HS3ST5: variants seen among roughly 807,000 people sequenced by gnomAD.
HS3ST5 encodes the protein heparan sulfate-glucosamine 3-sulfotransferase 5, also known as heparan sulfate glucosamine 3-O-sulfotransferase 5.
A neutral mutation model predicts 25.4 loss-of-function variants in HS3ST5; 10 were observed. The ratio of observed to expected loss-of-function variants is 0.39; its 90% CI spans 0.24 to 0.67. The LOEUF is 0.67. Among genes scored for constraint, HS3ST5 ranks in the 30% least tolerant of loss-of-function variants. The pLI is 0.44. For missense variants in HS3ST5, 324 were observed against 420.7 expected, an observed-to-expected ratio of 0.77 and a Z score of 2.01; for synonymous variants, 170 against 162.4, an observed-to-expected ratio of 1.05 and a Z score of -0.36.
chr6:114,099,395 A>G (rs1306387670), intron 3 of HS3ST5, among the ~76,000 whole-genome samples: 1 of 152,172 alleles, frequency 6.6e-6, no homozygotes, highest in Non-Finnish European at 1.5e-5. Context: ...TTAATGCAGA[A>G]CTTTCAGTAT....
intron 2 of HS3ST5, among the ~76,000 whole-genome samples, chr6:114,212,498 T>G (rs1369271361): frequency 1.3e-5 from 2 of 152,184 alleles, no homozygotes; most frequent in African/African-American, 4.8e-5. Context: ...AAACATCAGT[T>G]GCAGTTTACT....
intron 2 of HS3ST5, among the ~76,000 whole-genome samples, chr6:114,199,196 A>T (rs1780899817): frequency 6.6e-6 from 1 of 152,216 alleles, no homozygotes; most frequent in Non-Finnish European, 1.5e-5. Context: ...TTAAAATAGC[A>T]TACCATGTAC....
intron 1 of HS3ST5, among the ~76,000 whole-genome samples, chr6:114,254,737 A>AG (rs904957588): frequency 6.6e-6 from 1 of 152,198 alleles, no homozygotes; most frequent in Admixed American, 6.5e-5. Flanking sequence ...ACCAAGTGAA[A>AG]GGGGTTTCCC....
chr6:114,186,473 G>A (rs1373293455), intron 2 of HS3ST5, among the ~76,000 whole-genome samples: 1 of 152,144 alleles, frequency 6.6e-6, no homozygotes, highest in African/African-American at 2.4e-5. Flanking sequence ...CTAATCTAGA[G>A]AAAGGTCCTA....
intron 3 of HS3ST5, among the ~76,000 whole-genome samples, chr6:114,162,669 T>C (rs1779028333): frequency 6.6e-6 from 1 of 152,174 alleles, no homozygotes; most frequent in African/African-American, 2.4e-5. Context: ...TCCAGTCTTT[T>C]CCAGTTCCCT....
At chr6:114,323,593 A>T (rs1424550695) in intron 1 of HS3ST5, among the ~76,000 whole-genome samples, 1 of 152,080 alleles carries the variant, frequency 6.6e-6, no homozygotes, top group Non-Finnish European at 1.5e-5. Context: ...CTCATCTGTA[A>T]AAGTATAATG....
chr6:114,323,796 G>A (rs1260769849), intron 1 of HS3ST5, among the ~76,000 whole-genome samples: 1 of 152,124 alleles, frequency 6.6e-6, no homozygotes, highest in African/African-American at 2.4e-5. Context: ...AAGCTATAGA[G>A]TATTGGTTTC....
chr6:114,330,398 T>C (rs1354999424), intron 1 of HS3ST5, among the ~76,000 whole-genome samples: 1 of 152,172 alleles, frequency 6.6e-6, no homozygotes, highest in Non-Finnish European at 1.5e-5. Flanking sequence ...AGCTGCTGAA[T>C]GTAGGAGCAA....
chr6:114,201,811 C>T (rs1781027592), intron 2 of HS3ST5, among the ~76,000 whole-genome samples: 1 of 152,142 alleles, frequency 6.6e-6, no homozygotes, highest in East Asian at 1.9e-4. Context: ...CCTCAGGAAA[C>T]TTACAATCAG....
At chr6:114,280,829 G>A (rs1774073483) in intron 1 of HS3ST5, among the ~76,000 whole-genome samples, 1 of 151,970 alleles carries the variant, frequency 6.6e-6, no homozygotes, top group African/African-American at 2.4e-5. Flanking sequence ...AGACAGAGCT[G>A]AAGTAATAAA....
intron 1 of HS3ST5, among the ~76,000 whole-genome samples, chr6:114,308,958 TC>T (rs1775417890): frequency 6.6e-6 from 1 of 152,144 alleles, no homozygotes; most frequent in Non-Finnish European, 1.5e-5. Flanking sequence ...AGACTAGGCA[TC>T]ATGTTAACCG....
chr6:114,084,742 G>T, intron 3 of HS3ST5: 2 of 846,480 alleles, frequency 2.4e-6, no homozygotes, highest in Non-Finnish European at 4.0e-6. Flanking sequence ...TTCCAGGCGT[G>T]AAGAGGCCAG....
chr6:114,274,135 T>G (rs767252386), intron 1 of HS3ST5, among the ~76,000 whole-genome samples: 1 of 151,504 alleles, frequency 6.6e-6, no homozygotes, highest in Non-Finnish European at 1.5e-5. Context: ...TCACCCAGAG[T>G]AATGAGGAGA....
At chr6:114,115,146 T>C (rs1776456882) in intron 3 of HS3ST5, among the ~76,000 whole-genome samples, 1 of 152,112 alleles carries the variant, frequency 6.6e-6, no homozygotes, top group African/African-American at 2.4e-5. Flanking sequence ...TATTTCTGTC[T>C]CACATGAAAA....
chr6:114,163,470 G>A (rs1054737013), intron 3 of HS3ST5, among the ~76,000 whole-genome samples: 11 of 152,220 alleles, frequency 7.2e-5, no homozygotes, highest in African/African-American at 2.6e-4. Flanking sequence ...ATATGTTTTA[G>A]CATATAATAT....
chr6:114,224,590 AC>A (rs1782197599), intron 2 of HS3ST5, among the ~76,000 whole-genome samples: 1 of 151,172 alleles, frequency 6.6e-6, no homozygotes, highest in Non-Finnish European at 1.5e-5. Context: ...ATCTGCTTAT[AC>A]TTCTATAGTT....
At chr6:114,158,213 G>A (rs900371231) in intron 3 of HS3ST5, among the ~76,000 whole-genome samples, 7 of 152,142 alleles carry the variant, frequency 4.6e-5, no homozygotes, top group Admixed American at 6.5e-5. Flanking sequence ...GTCTTACATA[G>A]TGCATAGCAT....
chr6:114,162,482 T>G (rs917568941), intron 3 of HS3ST5, among the ~76,000 whole-genome samples: 2 of 152,320 alleles, frequency 1.3e-5, no homozygotes, highest in Non-Finnish European at 2.9e-5. Flanking sequence ...TTGCTCCTGT[T>G]CTTTTTCCAC....
intron 1 of HS3ST5, among the ~76,000 whole-genome samples, chr6:114,265,353 G>A (rs1418478987): frequency 6.6e-6 from 1 of 152,174 alleles, no homozygotes; most frequent in Non-Finnish European, 1.5e-5. Context: ...AGCTGGGGGA[G>A]GTAATGGTGC....
Sources: allele counts gnomAD v4.1 joint callset (sites outside exome capture counted in the v4.1 genomes callset), GRCh38; gene constraint gnomAD v4.1.1; transcripts MANE v1.5; gene names NCBI Gene and HGNC (gene_info 2026-07-23, HGNC 2026-07-21).